TOM1L2: variants seen among roughly 807,000 people sequenced by gnomAD.
TOM1L2 encodes TOM1-like protein 2.
In TOM1L2, 31 loss-of-function variants were observed where a neutral mutation model predicts 67.9. The observed-to-expected ratio is 0.46, with a 90% confidence interval of 0.34 to 0.62. The LOEUF (loss-of-function observed/expected upper bound fraction) is 0.62. TOM1L2 is among the 20% of genes least tolerant of loss of function. The pLI, the probability that TOM1L2 is intolerant of heterozygous loss-of-function variation, is 0.01. For missense variants in TOM1L2, 606 were observed against 663.5 expected (o/e 0.91, Z 0.95); for synonymous variants, 256 against 254.0 (o/e 1.01, Z -0.07).
chr17:17,910,764 T>C (rs1234969089), intron 1 of TOM1L2, among the ~76,000 whole-genome samples: 1 of 152,106 alleles, frequency 6.6e-6, no homozygotes, highest in Non-Finnish European at 1.5e-5. Flanking sequence ...GAGATGGGTT[T>C]CGGCACGTTG....
intron 1 of TOM1L2, among the ~76,000 whole-genome samples, chr17:17,935,543 C>T (rs1242925284): frequency 3.3e-5 from 5 of 152,160 alleles, no homozygotes; most frequent in Admixed American, 3.3e-4. Context: ...GGTAACTGTG[C>T]CTGCTCTAGG....
At chr17:17,956,547 G>A (rs1301724246) in intron 1 of TOM1L2, among the ~76,000 whole-genome samples, 1 of 152,220 alleles carries the variant, frequency 6.6e-6, no homozygotes, top group African/African-American at 2.4e-5. Context: ...TGGAGCAGGG[G>A]TTTGCGCTCC....
chr17:17,850,860 C>T (rs1238201460), intron 13 of TOM1L2, 33 bp downstream of exon 13: 1 of 1,612,252 alleles, frequency 6.2e-7, no homozygotes, highest in South Asian at 1.1e-5. Flanking sequence ...CCGCTCCACA[C>T]CCCACAGATG....
At chr17:17,884,583 C>T in intron 5 of TOM1L2, 51 bp downstream of exon 5, 1 of 1,609,230 alleles carries the variant, frequency 6.2e-7, no homozygotes, top group Non-Finnish European at 8.5e-7. Flanking sequence ...AGCAGCTTGG[C>T]TCACCCGTTC....
intron 1 of TOM1L2, among the ~76,000 whole-genome samples, chr17:17,961,550 G>A (rs1223474633): frequency 2.0e-5 from 3 of 151,944 alleles, no homozygotes; most frequent in Non-Finnish European, 4.4e-5. Context: ...ACTCTAGCCT[G>A]GGTGACAGAA....
At chr17:17,956,514 G>T (rs926658971) in intron 1 of TOM1L2, among the ~76,000 whole-genome samples, 6 of 152,242 alleles carry the variant, frequency 3.9e-5, no homozygotes, top group Non-Finnish European at 2.9e-5. Context: ...CAGCCCTTGG[G>T]CGGTCGATGG....
At chr17:17,898,453 G>T (rs1360006971) in intron 3 of TOM1L2, 143 bp downstream of exon 3, 5 of 780,706 alleles carry the variant, frequency 6.4e-6, no homozygotes, top group Middle Eastern at 3.8e-4. Context: ...ATACCAGAAG[G>T]CTTTGCTGGA....
At chr17:17,950,267 G>A (rs1365084222) in intron 1 of TOM1L2, among the ~76,000 whole-genome samples, 1 of 151,964 alleles carries the variant, frequency 6.6e-6, no homozygotes, top group Non-Finnish European at 1.5e-5. Context: ...AACAATTCTT[G>A]TGCCTCAGTC....
rs368173617 is a variant in TOM1L2, at chr17:17,893,639, T to C, written c.366+22A>G. 21 of 1,608,142 alleles carry C rather than the reference T, an allele frequency of 1.3e-5. No homozygotes were observed. In the African/African-American group the frequency reaches 1.6e-4, roughly 12 times the overall value. ...CTTCATCTTACTCTGTTCCAACAAA[T>C]TGGGCAAGGGGTCCAACCTACCTGG... On this transcript the variant is annotated intron_variant, in intron 4 of 14. Coordinates refer to ENST00000379504, the MANE Select transcript of TOM1L2 (RefSeq NM_001082968.2).
chr17:17,930,419 A>G (rs1465224555), intron 1 of TOM1L2, among the ~76,000 whole-genome samples: 1 of 152,202 alleles, frequency 6.6e-6, no homozygotes, highest in Non-Finnish European at 1.5e-5. Flanking sequence ...AGGCACAAGG[A>G]GGACTGCAGA....
chr17:17,933,373 A>G (rs1812257065), intron 1 of TOM1L2, among the ~76,000 whole-genome samples: 1 of 152,226 alleles, frequency 6.6e-6, no homozygotes. Flanking sequence ...GCTGCAAGGG[A>G]AACTAAGTAA....
rs116746344 is a variant in TOM1L2 at position 17,935,781 on chromosome 17, G to A, written c.53-28250C>T. On this transcript the variant is annotated intron_variant, in intron 1 of 14. Coordinates refer to ENST00000379504, the MANE Select transcript of TOM1L2 (RefSeq NM_001082968.2). ...AGGTCACAAGTGATGAAATACAGTTGGCAAATCAACCTAAAAATATTCAAC... is the reference window on the plus strand; with the variant it reads ...AGGTCACAAGTGATGAAATACAGTTAGCAAATCAACCTAAAAATATTCAAC... 2.6e-3 allele frequency among the ~76,000 whole-genome samples: 403 copies of A among 152,270 alleles called. 3 individuals are homozygous for A. Among genetic ancestry groups the A allele is most frequent in the African/African-American group, 9.3e-3 (387 of 41,542 alleles).
At chr17:17,884,049 C>T (rs1383793788) in intron 5 of TOM1L2, among the ~76,000 whole-genome samples, 1 of 152,168 alleles carries the variant, frequency 6.6e-6, no homozygotes, top group Non-Finnish European at 1.5e-5. Flanking sequence ...GCCCCCTCCA[C>T]GGTGCTCAAG....
chr17:17,889,971 A>G (rs1465468756), intron 4 of TOM1L2, among the ~76,000 whole-genome samples: 1 of 152,042 alleles, frequency 6.6e-6, no homozygotes, highest in East Asian at 1.9e-4. Flanking sequence ...CCGCATTGAT[A>G]TGAGAGCTGC....
At chr17:17,865,925 A>T (rs2036823688) in intron 10 of TOM1L2, among the ~76,000 whole-genome samples, 1 of 150,400 alleles carries the variant, frequency 6.6e-6, no homozygotes, top group Non-Finnish European at 1.5e-5. Flanking sequence ...TATTTTTAGT[A>T]GAGACTGGGT....
At chr17:17,891,154 G>A (rs548121945) in intron 4 of TOM1L2, among the ~76,000 whole-genome samples, 11 of 152,248 alleles carry the variant, frequency 7.2e-5, no homozygotes, top group Non-Finnish European at 2.9e-5. Context: ...GCCCTGTTCT[G>A]CTCAGGTCCC....
chr17:17,940,702 A>C (rs1275869305), intron 1 of TOM1L2, among the ~76,000 whole-genome samples: 2 of 152,228 alleles, frequency 1.3e-5, no homozygotes, highest in Non-Finnish European at 2.9e-5. Context: ...GCTGGTCTCC[A>C]CAGCTGTCAT....
chr17:17,910,022 C>T (rs2039275631), intron 1 of TOM1L2, among the ~76,000 whole-genome samples: 1 of 152,170 alleles, frequency 6.6e-6, no homozygotes, highest in African/African-American at 2.4e-5. Context: ...GAGTAAGACC[C>T]TGTCTCTTAA....
At chr17:17,877,237 C>G (rs1008845077) in intron 7 of TOM1L2, among the ~76,000 whole-genome samples, 3 of 152,226 alleles carry the variant, frequency 2.0e-5, no homozygotes, top group Non-Finnish European at 4.4e-5. Flanking sequence ...AACCTGCCCA[C>G]AGTTATGATC....
Sources: allele counts gnomAD v4.1 joint callset (sites outside exome capture counted in the v4.1 genomes callset), GRCh38; gene constraint gnomAD v4.1.1; transcripts MANE v1.5; gene names NCBI Gene and HGNC (gene_info 2026-07-23, HGNC 2026-07-21).